The following NCAPH2 variants were observed in gnomAD, a reference collection of about 807,000 sequenced individuals.
NCAPH2 encodes non-SMC condensin II complex subunit H2, also known as condensin-2 complex subunit H2.
NCAPH2 carries 56 observed loss-of-function variants against 88.6 expected under a neutral mutation model. The observed-to-expected ratio is 0.63, with a 90% confidence interval of 0.51 to 0.79. The LOEUF (loss-of-function observed/expected upper bound fraction) is 0.79. Ranked by LOEUF, NCAPH2 falls within the 30% of genes least tolerant of loss-of-function variation. NCAPH2 has a pLI of 0.00. For missense variants in NCAPH2, 794 were observed against 792.0 expected, an observed-to-expected ratio of 1.00 and a Z score of -0.03; for synonymous variants, 378 against 313.6, an observed-to-expected ratio of 1.21 and a Z score of -2.17.
At chr22:50,510,308 C>T (rs1259293254) in intron 1 of NCAPH2, among the ~76,000 whole-genome samples, 1 of 152,130 alleles carries the variant, frequency 6.6e-6, no homozygotes, top group Non-Finnish European at 1.5e-5. Context: ...ACTGTGTTGC[C>T]CAGGCTGGTC....
intron 9 of NCAPH2, chr22:50,519,546 G>C (rs1569520833): frequency 1.6e-5 from 21 of 1,312,330 alleles, no homozygotes; most frequent in Non-Finnish European, 1.8e-5. Context: ...CCTCAGAGTA[G>C]TGGGCTGGCG....
intron 18 of NCAPH2, 23 bp from the exon 19 acceptor site, chr22:50,522,994 C>T: frequency 1.2e-6 from 2 of 1,606,360 alleles, no homozygotes; most frequent in Non-Finnish European, 1.7e-6. Flanking sequence ...TCTCCGCAGC[C>T]AACATGCCCC....
rs772824821 is a variant in NCAPH2 at position 50,517,747 on chromosome 22, T to C, written c.358T>C (p.Ser120Pro). Residue 120 changes from serine (S) to proline (P), a missense_variant, in exon 5 of 20, where the codon TCG (serine) becomes CCG (proline). By Grantham distance (74) the Ser-to-Pro change is moderately conservative. Coordinates refer to ENST00000420993, the MANE Select transcript of NCAPH2 (RefSeq NM_152299.4). ...VPQEAENEFL[S>P]LDDFPDSRTN... ...GAGCTCTGTCTCCCTCCAGTTCCTG[T>C]CGCTGGATGACTTCCCTGACTCCCG... 1.9e-6 allele frequency: 3 copies of C among 1,613,924 alleles called. No homozygotes were observed. In the African/African-American group the frequency reaches 4.0e-5, roughly 22 times the overall value.
rs752766206 is a variant in NCAPH2 at position 50,517,640 on chromosome 22, C to T, written c.330C>T (p.Val110=). The change falls in exon 4 of 20, where the codon GTC becomes GTT. Residue 110 remains valine (V), a synonymous_variant. Transcript: ENST00000420993. ...DRANGVASSG[V]PQEAENEFLS... is the part of the protein sequence containing the mutation. ...CCAATGGGGTTGCCAGCTCCGGGGT[C>T]CCCCAGGAGGCAGAGAATGAGGTGA... 6.8e-6 allele frequency: 11 copies of T among 1,613,944 alleles called. No homozygotes were observed. Among genetic ancestry groups the T allele is most frequent in the Non-Finnish European group, 9.3e-6 (11 of 1,180,024 alleles).
rs2148671809 is a variant in NCAPH2 at position 50,524,116 on chromosome 22, A to C, written c.*741A>C. On this transcript the variant is annotated 3_prime_UTR_variant, in exon 20 of 20. Transcript: ENST00000420993. ...CAGCAGGTGGAAGTCGCCCTGGCCC[A>C]CAGCTGCCTGGCGCAGGGCTTCTGT... 1 of 1,612,818 alleles carries C rather than the reference A, an allele frequency of 6.2e-7. No homozygotes were observed. Among genetic ancestry groups the C allele is most frequent in the Non-Finnish European group, 8.5e-7 (1 of 1,180,000 alleles).
At position 50,510,270 on chromosome 22, in the gene NCAPH2, G is replaced by GA. The variant is rs911112973; in HGVS notation, c.108+1835dup. On this transcript the variant is annotated intron_variant, in intron 1 of 19. Coordinates refer to ENST00000420993, the MANE Select transcript of NCAPH2 (RefSeq NM_152299.4). Reference sequence around the variant, plus strand: ...GGACTTCATATGGCAAGGAAAAGGAGAAAAAAAAAATCAGAGAGGAGGATC... The same window carrying GA: ...GGACTTCATATGGCAAGGAAAAGGAGAAAAAAAAAAATCAGAGAGGAGGATC... Among the ~76,000 whole-genome samples, 368 of 149,188 alleles carry GA rather than the reference G, an allele frequency of 2.5e-3. 1 individual carries two copies. The highest frequency in any genetic ancestry group is 8.3e-3 in the African/African-American group (338 of 40,776).
intron 2 of NCAPH2, 136 bp downstream of exon 2, chr22:50,516,684 C>T: frequency 1.4e-6 from 1 of 696,746 alleles, no homozygotes; most frequent in Non-Finnish European, 2.5e-6. Context: ...GCCAATTCCT[C>T]AGCACCTTCC....
chr22:50,513,240 C>T (rs1202099933), intron 1 of NCAPH2, among the ~76,000 whole-genome samples: 2 of 152,252 alleles, frequency 1.3e-5, no homozygotes, highest in African/African-American at 4.8e-5. Context: ...AACTGATGGC[C>T]AGGCGAGGTG....
At position 50,524,271 on chromosome 22, in the gene NCAPH2, A is replaced by C; in HGVS notation, c.*896A>C. On this transcript the variant is annotated 3_prime_UTR_variant, in exon 20 of 20. Coordinates refer to ENST00000420993, the MANE Select transcript of NCAPH2 (RefSeq NM_152299.4). ...CAGGGCCCTGGGGCTGGCCCTGCCC[A>C]CCTGTCTCTGCAGGGCCCTGCCTTG... 1 of 1,603,420 alleles carries C rather than the reference A, an allele frequency of 6.2e-7. No homozygotes were observed. The highest frequency in any genetic ancestry group is 8.5e-7 in the Non-Finnish European group (1 of 1,179,546).
At chr22:50,513,748 C>T (rs1431518555) in intron 1 of NCAPH2, among the ~76,000 whole-genome samples, 3 of 151,974 alleles carry the variant, frequency 2.0e-5, no homozygotes, top group African/African-American at 4.8e-5. Context: ...GACAACAGAG[C>T]GAGAGACTGT....
At chr22:50,521,405 C>A in intron 10 of NCAPH2, 138 bp from the exon 11 acceptor site, 1 of 887,308 alleles carries the variant, frequency 1.1e-6, no homozygotes. Context: ...GCTGTGCACC[C>A]CCTACTCCTC....
rs1569521267 is a variant in NCAPH2, at chr22:50,522,823, G to A, written c.1428G>A (p.Glu476=). 1 of 1,613,050 alleles carries A rather than the reference G, an allele frequency of 6.2e-7. No homozygotes were observed. Among genetic ancestry groups the A allele is most frequent in the African/African-American group, 1.3e-5 (1 of 75,000 alleles). Residue 476 remains glutamate, a splice_region_variant and synonymous_variant, in exon 18 of 20, where the codon GAG becomes GAA. Transcript: ENST00000420993. ...SYEELVRRNV[E]LFIATSQKFV... ...AGCTCCTGCTGATCCTCCCCTAGGAGCTCTTCATCGCCACCTCCCAGAAGT... is the reference window on the plus strand; with the variant it reads ...AGCTCCTGCTGATCCTCCCCTAGGAACTCTTCATCGCCACCTCCCAGAAGT...
At chr22:50,512,219 G>A (rs1271658849) in intron 1 of NCAPH2, among the ~76,000 whole-genome samples, 3 of 152,234 alleles carry the variant, frequency 2.0e-5, no homozygotes, top group Admixed American at 1.3e-4. Flanking sequence ...AGGTGTGGAC[G>A]TTAAAGTGTT....
rs1185819652 is a variant in NCAPH2, at chr22:50,519,226, G to A, written c.767G>A (p.Gly256Asp). 2 of 1,610,490 alleles carry A rather than the reference G, an allele frequency of 1.2e-6. No homozygotes were observed. Among genetic ancestry groups the A allele is most frequent in the East Asian group, 2.2e-5 (1 of 44,792 alleles). ...GAAGGCCCGATGCCCCTGGGTGGGGGCGAGGACGAGGATGCAGAGGAGGCA... is the reference window on the plus strand; with the variant it reads ...GAAGGCCCGATGCCCCTGGGTGGGGACGAGGACGAGGATGCAGAGGAGGCA... ...SPEGPMPLGG[G>D]EDEDAEEAVE... The change falls in exon 9 of 20, where the codon GGC becomes GAC. Residue 256 changes from glycine to aspartate, a missense_variant. By Grantham distance (94) the Gly-to-Asp change is moderately conservative (BLOSUM62 -1). Coordinates refer to ENST00000420993, the MANE Select transcript of NCAPH2 (RefSeq NM_152299.4).
At chr22:50,508,471 GGGT>G in intron 1 of NCAPH2, 26 bp downstream of exon 1, 2 of 1,303,042 alleles carry the variant, frequency 1.5e-6, no homozygotes, top group Non-Finnish European at 2.0e-6. Flanking sequence ...GAGTGACGCG[GGGT>G]GGGCCGGCGG....
At chr22:50,521,138 C>A in intron 10 of NCAPH2, 102 bp downstream of exon 10, 1 of 1,363,698 alleles carries the variant, frequency 7.3e-7, no homozygotes, top group Non-Finnish European at 1.0e-6. Flanking sequence ...CTGTGGTGTT[C>A]CCAGCCTGTG....
At chr22:50,517,521 G>A in intron 3 of NCAPH2, 39 bp downstream of exon 3, 3 of 1,614,054 alleles carry the variant, frequency 1.9e-6, no homozygotes, top group South Asian at 2.2e-5. Context: ...CCCTGCATGT[G>A]GCCAGGGAGG....
chr22:50,521,101 G>T (rs2069076158), intron 10 of NCAPH2, 65 bp downstream of exon 10: 12 of 1,516,650 alleles, frequency 7.9e-6, no homozygotes, highest in Non-Finnish European at 1.1e-5. Flanking sequence ...CTGGCTGCCT[G>T]CCCATCATGC....
Position 50,522,516 on chromosome 22 carries a change from C to T in NCAPH2, c.1322C>T (p.Pro441Leu). Residue 441 changes from proline (P) to leucine (L), a missense_variant, in exon 16 of 20, where the codon CCT (proline) becomes CTT (leucine). Coordinates refer to ENST00000420993, the MANE Select transcript of NCAPH2 (RefSeq NM_152299.4). Reference protein sequence around the residue: ...DLGAADDFLEPEEYMEPEGAD... With the variant: ...DLGAADDFLELEEYMEPEGAD... Reference sequence around the variant, plus strand: ...CTCCCAGCAGATGACTTTCTAGAGCCTGAGGAGTACATGGAGCCCGAGGGA... The same window carrying T: ...CTCCCAGCAGATGACTTTCTAGAGCTTGAGGAGTACATGGAGCCCGAGGGA... 6.2e-7 allele frequency: 1 copy of T among 1,613,676 alleles called. No homozygotes were observed. Among genetic ancestry groups the T allele is most frequent in the Non-Finnish European group, 8.5e-7 (1 of 1,179,952 alleles).
Sources: gnomAD v4.1 joint callset for allele counts (sites outside exome capture counted in the v4.1 genomes callset) on GRCh38, gnomAD v4.1.1 for gene constraint, MANE v1.5 for transcripts, NCBI Gene and HGNC (gene_info 2026-07-23, HGNC 2026-07-21) for gene names.